HPGD: variants seen among roughly 807,000 people sequenced by gnomAD.
HPGD encodes 15-hydroxyprostaglandin dehydrogenase [NAD(+)].
HPGD carries 29 observed loss-of-function variants against 30.0 expected under a neutral mutation model. The ratio of observed to expected loss-of-function variants is 0.97; its 90% CI spans 0.72 to 1.32. The LOEUF (loss-of-function observed/expected upper bound fraction) is 1.32, where lower values mean the gene tolerates loss of function less well. HPGD is among the 40% of genes most tolerant of loss of function. The probability of loss-of-function intolerance (pLI) is 0.00; values close to 1 mark genes in which losing one functional copy is unlikely to be tolerated. For missense variants in HPGD, 340 were observed against 322.1 expected, an observed-to-expected ratio of 1.06 and a Z score of -0.43; for synonymous variants, 99 against 112.4, an observed-to-expected ratio of 0.88 and a Z score of 0.75.
At chr4:174,514,436 G>A (rs1735663999) in intron 3 of HPGD, among the ~76,000 whole-genome samples, 1 of 151,976 alleles carries the variant, frequency 6.6e-6, no homozygotes. Context: ...CTGCAAGGAG[G>A]GTATCCATAC....
chr4:174,517,921 A>T (rs374801958), intron 3 of HPGD, 50 bp downstream of exon 3: 33 of 970,366 alleles, frequency 3.4e-5, no homozygotes, highest in Non-Finnish European at 4.6e-5. Flanking sequence ...CTTTACAAAC[A>T]TCATGTTATT....
chr4:174,513,223 A>C lies in HPGD; in HGVS notation c.325-4431T>G, dbSNP rs559733952. Among the ~76,000 whole-genome samples, 8 of 152,358 alleles carry C rather than the reference A, an allele frequency of 5.3e-5. No homozygotes were observed. The East Asian group carries it at 1.2e-3, about 22-fold the overall frequency. On this transcript the variant is annotated intron_variant, in intron 3 of 6. Transcript: ENST00000296522. ...TTACAAATATCAGTAGTAATGTTAA[A>C]GAGAGAAAGCTGTTGTGCAATTTGT...
At position 174,521,838 on chromosome 4, in the gene HPGD, G is replaced by T. The variant is rs191407917; in HGVS notation, c.217+106C>A. ...TTGGAGCTTCAAGGTAGCTGCTCTC[G>T]AGGAGGCAGCGGAGGCGGCACCCAG... is the stretch of plus-strand genomic sequence containing the variant. On this transcript the variant is annotated intron_variant, in intron 2 of 6. Coordinates refer to ENST00000296522, the MANE Select transcript of HPGD (RefSeq NM_000860.6). The T allele has an allele frequency of 5.3e-5, 69 of 1,305,816 alleles. 1 individual carries two copies. The highest frequency in any genetic ancestry group is 1.7e-5 in the Non-Finnish European group (15 of 904,910). The allele number at this position is 1,305,816 out of a possible 1,614,324, so 80.9% of individuals were successfully genotyped here.
At chr4:174,514,811 A>G (rs796670370) in intron 3 of HPGD, among the ~76,000 whole-genome samples, 6 of 152,332 alleles carry the variant, frequency 3.9e-5, no homozygotes, top group African/African-American at 1.4e-4. Flanking sequence ...AAACAATTTA[A>G]GTTACGTTTC....
chr4:174,510,487 T>C (rs1035685898), intron 3 of HPGD, among the ~76,000 whole-genome samples: 1 of 152,226 alleles, frequency 6.6e-6, no homozygotes, highest in African/African-American at 2.4e-5. Context: ...TATTCTCAGG[T>C]ATTACAGCTT....
At chr4:174,497,446 T>C (rs1007301666) in intron 4 of HPGD, among the ~76,000 whole-genome samples, 3 of 152,138 alleles carry the variant, frequency 2.0e-5, no homozygotes, top group Non-Finnish European at 4.4e-5. Context: ...AAGAAATTGC[T>C]TGCAGTTTTT....
At chr4:174,502,197 G>C (rs1247581371) in intron 4 of HPGD, among the ~76,000 whole-genome samples, 1 of 152,034 alleles carries the variant, frequency 6.6e-6, no homozygotes, top group Non-Finnish European at 1.5e-5. Context: ...TCTCCAACTT[G>C]AAGAAAAAAG....
rs542418235 is a variant in HPGD, at chr4:174,490,710, C to T, written c.*1246G>A. 64 of 152,412 alleles carry T rather than the reference C, an allele frequency of 4.2e-4. No homozygotes were observed. Among genetic ancestry groups the T allele is most frequent in the Non-Finnish European group, 6.9e-4 (47 of 68,000 alleles). 9.4% of individuals were successfully genotyped at this position (152,412 alleles called of 1,614,324 possible). On this transcript the variant is annotated 3_prime_UTR_variant, in exon 7 of 7. Coordinates refer to ENST00000296522, the MANE Select transcript of HPGD (RefSeq NM_000860.6). This position sits in a 1 kb window ranked among gnomAD's most constrained non-coding sequence, Gnocchi z 4.4. ...AAATAGGGCAAGATATGACAACATTCCAGTACTTCTAGGAAATCCATATCA... is the reference window on the plus strand; with the variant it reads ...AAATAGGGCAAGATATGACAACATTTCAGTACTTCTAGGAAATCCATATCA...
rs969118060 is a variant in HPGD at position 174,519,874 on chromosome 4, G to A, written c.218-1797C>T. Among the ~76,000 whole-genome samples, 7 of 152,236 alleles carry A rather than the reference G, an allele frequency of 4.6e-5. No homozygotes were observed. The South Asian group carries it at 1.0e-3, about 23-fold the overall frequency. Reference sequence around the variant, plus strand: ...TGTTTGGTGGTCTCTTCACACAGACGCGAGTGAAAGTCTCGATCTCCTGAC... The same window carrying A: ...TGTTTGGTGGTCTCTTCACACAGACACGAGTGAAAGTCTCGATCTCCTGAC... On this transcript the variant is annotated intron_variant, in intron 2 of 6. Coordinates refer to ENST00000296522, the MANE Select transcript of HPGD (RefSeq NM_000860.6).
At chr4:174,514,850 G>T (rs1735690143) in intron 3 of HPGD, among the ~76,000 whole-genome samples, 1 of 152,010 alleles carries the variant, frequency 6.6e-6, no homozygotes, top group South Asian at 2.1e-4. Context: ...ACAAAAATCA[G>T]TAATGTTTCC....
At chr4:174,522,595 G>A (rs1435520698), upstream of HPGD, 1 of 558,442 alleles carries the variant, frequency 1.8e-6, no homozygotes, top group Non-Finnish European at 3.0e-6. Flanking sequence ...TCAAGCCAGC[G>A]CCCGCCGGGG....
At chr4:174,510,108 G>A (rs1396826581) in intron 3 of HPGD, among the ~76,000 whole-genome samples, 1 of 152,116 alleles carries the variant, frequency 6.6e-6, no homozygotes, top group Non-Finnish European at 1.5e-5. Flanking sequence ...TAATGCGTCT[G>A]AAACGGAGGT....
intron 3 of HPGD, among the ~76,000 whole-genome samples, chr4:174,517,232 C>T (rs749079080): frequency 9.9e-5 from 15 of 152,136 alleles, no homozygotes; most frequent in Non-Finnish European, 1.8e-4. Flanking sequence ...AATTTTATTT[C>T]TTAATTCTAC....
At chr4:174,499,238 T>C (rs949088808) in intron 4 of HPGD, among the ~76,000 whole-genome samples, 1 of 152,126 alleles carries the variant, frequency 6.6e-6, no homozygotes, top group Non-Finnish European at 1.5e-5. Flanking sequence ...GTTCCTACCA[T>C]TTACAACCTG....
At chr4:174,497,031 T>C (rs1275581004) in intron 4 of HPGD, among the ~76,000 whole-genome samples, 2 of 152,238 alleles carry the variant, frequency 1.3e-5, no homozygotes. Flanking sequence ...TACATAGGTA[T>C]ACTAGGAGTG....
chr4:174,503,387 G>C (rs1735019042), intron 4 of HPGD, among the ~76,000 whole-genome samples: 1 of 152,158 alleles, frequency 6.6e-6, no homozygotes, highest in Admixed American at 6.5e-5. Context: ...TTCAAGATCT[G>C]TTTGAGATTC....
rs1816204 is a variant in HPGD, at chr4:174,492,493, A to G, written c.663-399T>C. Among the ~76,000 whole-genome samples, 119,207 of 151,838 alleles carry G rather than the reference A, an allele frequency of 0.79. 46,992 individuals carry two copies. Among genetic ancestry groups the G allele is most frequent in the East Asian group, 0.82 (4,258 of 5,174 alleles). On this transcript the variant is annotated intron_variant, in intron 6 of 6. Transcript: ENST00000296522. This position sits in a 1 kb window ranked among gnomAD's most constrained non-coding sequence, Gnocchi z 4.9. ...AGAAATATGATTGGTAACAGCTAGC[A>G]TTTACTGAAAATTTTATTTTTTACC...
Position 174,493,205 on chromosome 4 carries a change from T to G in HPGD, c.608A>C (p.Tyr203Ser), listed in dbSNP as rs770966224. 9.9e-6 allele frequency: 16 copies of G among 1,608,536 alleles called. No individual in the cohort carries two copies. In the East Asian group the frequency reaches 3.6e-4, roughly 36 times the overall value. ...CTTGATATGATCCTTATATTCTATATATTGTCCCATGTTTTCTTCTTTTTC... is the reference window on the plus strand; with the variant it reads ...CTTGATATGATCCTTATATTCTATAGATTGTCCCATGTTTTCTTCTTTTTC... The part of the protein sequence containing the change: ...SIEKEENMGQ[Y>S]IEYKDHIKDM... The change falls in exon 6 of 7, where the codon TAT (tyrosine) becomes TCT (serine). Residue 203 changes from tyrosine to serine, a missense_variant. By Grantham distance (144) the Tyr-to-Ser change is moderately radical. Transcript: ENST00000296522.
intron 3 of HPGD, among the ~76,000 whole-genome samples, chr4:174,516,282 G>T (rs1735766859): frequency 1.3e-5 from 2 of 148,994 alleles, no homozygotes; most frequent in African/African-American, 5.0e-5. Context: ...ATACGGGTAG[G>T]TATACAGCAT....
Sources: gnomAD v4.1 joint callset for allele counts (sites outside exome capture counted in the v4.1 genomes callset) on GRCh38, gnomAD v4.1.1 for gene constraint, Gnocchi (gnomAD v3.1) non-coding constraint, MANE v1.5 for transcripts, NCBI Gene and HGNC (gene_info 2026-07-23, HGNC 2026-07-21) for gene names.